EPHB2: variants seen among roughly 807,000 people sequenced by gnomAD.
The protein encoded by EPHB2 is EPH receptor B2, also known as ephrin type-B receptor 2.
EPHB2 carries 18 observed loss-of-function variants against 96.4 expected under a neutral mutation model. That is an observed-to-expected ratio of 0.19 (90% confidence interval 0.13 to 0.28). The LOEUF is 0.28. Ranked by LOEUF, EPHB2 falls within the 10% of genes least tolerant of loss-of-function variation. The pLI is 1.00. For missense variants in EPHB2, 989 were observed against 1,355.4 expected (o/e 0.73, Z 4.25); for synonymous variants, 506 against 534.1 (o/e 0.95, Z 0.72).
chr1:22,903,304 G>A (rs1301962325), intron 9 of EPHB2, among the ~76,000 whole-genome samples: 2 of 152,270 alleles, frequency 1.3e-5, no homozygotes, highest in South Asian at 4.1e-4. Context: ...CATGTTGGGA[G>A]GGAGGCTGAA....
intron 5 of EPHB2, among the ~76,000 whole-genome samples, chr1:22,870,349 T>C (rs969343531): frequency 1.6e-4 from 25 of 151,984 alleles, no homozygotes; most frequent in African/African-American, 6.0e-4. Context: ...GCTTGAGGGA[T>C]AAGGAAACGG....
chr1:22,823,913 A>G (rs181891845), intron 3 of EPHB2, among the ~76,000 whole-genome samples: 1 of 152,270 alleles, frequency 6.6e-6, no homozygotes, highest in African/African-American at 2.4e-5. Context: ...AATGAATGAC[A>G]GTGAGCGAGT....
At chr1:22,729,380 T>A (rs536138346) in intron 1 of EPHB2, among the ~76,000 whole-genome samples, 2 of 152,356 alleles carry the variant, frequency 1.3e-5, no homozygotes, top group East Asian at 3.9e-4. Context: ...TAGGAGAACA[T>A]GACCCAGAAT....
chr1:22,847,610 G>C (rs902790775), intron 3 of EPHB2, among the ~76,000 whole-genome samples: 14 of 152,198 alleles, frequency 9.2e-5, no homozygotes, highest in African/African-American at 3.1e-4. Context: ...CAGGGCCCAG[G>C]CAGGCTGCTG....
chr1:22,790,356 C>T lies in EPHB2; in HGVS notation c.811+5280C>T, dbSNP rs1045524890. Among the ~76,000 whole-genome samples, 10 of 152,144 alleles carry T rather than the reference C, an allele frequency of 6.6e-5. No homozygotes were observed. Among genetic ancestry groups the T allele is most frequent in the Admixed American group, 3.9e-4 (6 of 15,284 alleles). The stretch of plus-strand genomic sequence containing the variant: ...GGCATACAGCTGCCAGGTGAGGATT[C>T]CTGGGACTTCCTTTAGAAGAGCCCT... On this transcript the variant is annotated intron_variant, in intron 3 of 15. Transcript: ENST00000374630. The surrounding 1 kb of genome is among the most constrained non-coding windows in gnomAD (Gnocchi z 4.0).
chr1:22,785,694 C>T (rs1183574101), intron 3 of EPHB2, among the ~76,000 whole-genome samples: 2 of 152,110 alleles, frequency 1.3e-5, no homozygotes, highest in African/African-American at 2.4e-5. Context: ...ACCTGGAATG[C>T]GCCCCCGCCA....
intron 3 of EPHB2, among the ~76,000 whole-genome samples, chr1:22,801,024 C>T (rs577854503): frequency 4.6e-5 from 7 of 152,336 alleles, no homozygotes; most frequent in South Asian, 2.1e-4. Context: ...ACCTGCTTGT[C>T]GTGCTCAGGT....
chr1:22,894,973 C>T (rs1639510215), intron 7 of EPHB2, among the ~76,000 whole-genome samples: 1 of 152,144 alleles, frequency 6.6e-6, no homozygotes. Flanking sequence ...GTGCTTTACC[C>T]AACAATCCTG....
intron 5 of EPHB2, among the ~76,000 whole-genome samples, chr1:22,872,393 A>C (rs558742334): frequency 7.2e-5 from 11 of 152,334 alleles, no homozygotes; most frequent in African/African-American, 2.4e-4. Flanking sequence ...AAATCTCTCC[A>C]TCTCAAGGGT....
At chr1:22,814,256 G>A (rs1645041997) in intron 3 of EPHB2, among the ~76,000 whole-genome samples, 1 of 152,198 alleles carries the variant, frequency 6.6e-6, no homozygotes, top group Admixed American at 6.5e-5. Flanking sequence ...CCCATTGAGT[G>A]CCGAACTTGA....
chr1:22,891,659 G>A (rs1483337059), intron 6 of EPHB2, among the ~76,000 whole-genome samples: 10 of 152,170 alleles, frequency 6.6e-5, no homozygotes, highest in South Asian at 4.1e-4. Context: ...TCCTTGGATC[G>A]CCCTGGGTAA....
chr1:22,773,801 A>G (rs1283082816), intron 1 of EPHB2, among the ~76,000 whole-genome samples: 1 of 152,106 alleles, frequency 6.6e-6, no homozygotes, highest in Non-Finnish European at 1.5e-5. Context: ...TTTTGCTCCC[A>G]CTACATGGGA....
chr1:22,759,796 A>G (rs1292414943), intron 1 of EPHB2, among the ~76,000 whole-genome samples: 1 of 152,176 alleles, frequency 6.6e-6, no homozygotes, highest in Non-Finnish European at 1.5e-5. Flanking sequence ...GACAATTAGC[A>G]GCTAACCTTC....
intron 3 of EPHB2, among the ~76,000 whole-genome samples, chr1:22,827,248 C>G (rs1318245885): frequency 1.3e-5 from 2 of 152,168 alleles, no homozygotes; most frequent in African/African-American, 2.4e-5. Flanking sequence ...GTCCTCGGAG[C>G]CCCTGGAACA....
At chr1:22,758,210 G>A (rs924517709) in intron 1 of EPHB2, among the ~76,000 whole-genome samples, 19 of 151,586 alleles carry the variant, frequency 1.3e-4, no homozygotes, top group Admixed American at 2.6e-4. Flanking sequence ...GAGCCACCGC[G>A]CCCGGCCTAA....
intron 5 of EPHB2, among the ~76,000 whole-genome samples, chr1:22,872,695 A>T (rs1638712878): frequency 6.6e-6 from 1 of 152,124 alleles, no homozygotes. Context: ...ACCACTCCAC[A>T]TGGCTTTCTC....
intron 1 of EPHB2, among the ~76,000 whole-genome samples, chr1:22,744,251 C>T (rs1160674181): frequency 1.3e-5 from 2 of 151,928 alleles, no homozygotes; most frequent in Non-Finnish European, 1.5e-5. Context: ...CCCAGTAATT[C>T]CACTCCCTAT....
intron 1 of EPHB2, among the ~76,000 whole-genome samples, chr1:22,767,677 CT>C (rs1480139102): frequency 1.3e-5 from 2 of 152,178 alleles, no homozygotes; most frequent in African/African-American, 2.4e-5. Flanking sequence ...CCATGTCCTC[CT>C]TCCCACCACT....
At chr1:22,847,661 G>A (rs1370103640) in intron 3 of EPHB2, among the ~76,000 whole-genome samples, 5 of 152,158 alleles carry the variant, frequency 3.3e-5, no homozygotes, top group Non-Finnish European at 5.9e-5. Flanking sequence ...TGGCCATTTG[G>A]GCACTGGAAT....
Sources: allele counts gnomAD v4.1 joint callset (sites outside exome capture counted in the v4.1 genomes callset), GRCh38; gene constraint gnomAD v4.1.1; non-coding constraint Gnocchi (gnomAD v3.1); transcripts MANE v1.5; gene names NCBI Gene and HGNC (gene_info 2026-07-23, HGNC 2026-07-21).